The following DSN1 variants were observed in gnomAD, a reference collection of about 807,000 sequenced individuals.
The protein encoded by DSN1 is kinetochore-associated protein DSN1 homolog.
In DSN1, 31 loss-of-function variants were observed where a neutral mutation model predicts 45.7. The observed-to-expected ratio is 0.68, with a 90% CI of 0.51 to 0.92. DSN1 has a LOEUF of 0.92. DSN1 is among the 40% of genes least tolerant of loss of function. DSN1 has a pLI of 0.00. For missense variants in DSN1, 394 were observed against 414.2 expected (o/e 0.95, Z 0.42); for synonymous variants, 134 against 142.3 (o/e 0.94, Z 0.41).
At position 36,771,078 on chromosome 20, in the gene DSN1, C is replaced by T. The variant is rs1401962195; in HGVS notation, c.150G>A (p.Glu50=). The T allele has an allele frequency of 6.2e-7, 1 of 1,614,168 alleles. No homozygotes were observed. The highest frequency in any genetic ancestry group is 1.7e-5 in the Admixed American group (1 of 60,022). Residue 50 remains glutamate, a synonymous_variant, in exon 3 of 11, where the codon GAG becomes GAA. Coordinates refer to ENST00000373750, the MANE Select transcript of DSN1 (RefSeq NM_001145315.2). ...ASLEMNQGVS[E]ERIHLGSSPK... ...GGCTAGAGCCAAGGTGAATTCTTTC[C>T]TCTGAAACGCCTTGATTCATCTCCA...
chr20:36,756,260 G>A (rs551306339), intron 8 of DSN1, among the ~76,000 whole-genome samples: 29 of 152,222 alleles, frequency 1.9e-4, no homozygotes, highest in African/African-American at 6.3e-4. Context: ...AATTACAGGC[G>A]TGAGCCACCG....
At chr20:36,767,805 G>A (rs1987428378) in intron 4 of DSN1, among the ~76,000 whole-genome samples, 164 bp downstream of exon 4, 2 of 152,228 alleles carry the variant, frequency 1.3e-5, no homozygotes, top group Non-Finnish European at 2.9e-5. Context: ...GGGAGGCTGA[G>A]GCAGGAGAAT....
chr20:36,769,373 G>A (rs115343417), intron 3 of DSN1, among the ~76,000 whole-genome samples: 24 of 152,308 alleles, frequency 1.6e-4, no homozygotes, highest in African/African-American at 5.5e-4. Context: ...CTGACAGGTT[G>A]CCAGAAATAA....
Position 36,758,607 on chromosome 20 carries a change from C to A in DSN1, c.601G>T (p.Asp201Tyr). 6.2e-7 allele frequency: 1 copy of A among 1,611,324 alleles called. No homozygotes were observed. Among genetic ancestry groups the A allele is most frequent in the South Asian group, 1.1e-5 (1 of 90,748 alleles). Residue 201 changes from aspartate to tyrosine, a missense_variant, in exon 7 of 11, where the codon GAT (aspartate) becomes TAT (tyrosine). Coordinates refer to ENST00000373750, the MANE Select transcript of DSN1 (RefSeq NM_001145315.2). ...GCCACAGATGCTTCCAAAGAAAAAT[C>A]TGATGCTTTTCTGGAAAACAGATAG... The part of the protein sequence containing the change: ...CFEDSNGKAS[D>Y]FSLEASVAEM...
intron 1 of DSN1, among the ~76,000 whole-genome samples, chr20:36,773,145 AG>A (rs1376023532): frequency 6.6e-6 from 1 of 152,250 alleles, no homozygotes; most frequent in African/African-American, 2.4e-5. Context: ...ACACAGATCC[AG>A]GCTTAGAAAA....
intron 1 of DSN1, 154 bp downstream of exon 1, chr20:36,773,508 G>A: frequency 1.0e-6 from 1 of 985,732 alleles, no homozygotes; most frequent in Non-Finnish European, 1.2e-6. Flanking sequence ...CGCCCTCGGG[G>A]ACCCCCAGTG....
At chr20:36,768,335 G>A (rs1226808313) in intron 3 of DSN1, among the ~76,000 whole-genome samples, 2 of 152,146 alleles carry the variant, frequency 1.3e-5, no homozygotes, top group African/African-American at 2.4e-5. Context: ...TTGAGACCAC[G>A]AGCTGGAGAC....
intron 1 of DSN1, among the ~76,000 whole-genome samples, chr20:36,772,354 T>G (rs1987696711): frequency 6.6e-6 from 1 of 151,830 alleles, no homozygotes; most frequent in Non-Finnish European, 1.5e-5. Flanking sequence ...AGTGGCGCAG[T>G]CTCGGCTCAC....
chr20:36,755,963 G>A, intron 8 of DSN1, 134 bp from the exon 9 acceptor site: 4 of 1,080,698 alleles, frequency 3.7e-6, no homozygotes, highest in Non-Finnish European at 5.2e-6. Flanking sequence ...TTAACAGAAA[G>A]GTTTTTTTTT....
chr20:36,753,648 A>G (rs1986499744), intron 10 of DSN1, among the ~76,000 whole-genome samples: 2 of 150,770 alleles, frequency 1.3e-5, no homozygotes, highest in South Asian at 2.1e-4. Context: ...AAAAAAAAAA[A>G]AAAAAGAAAA....
At chr20:36,766,871 C>T in intron 4 of DSN1, 30 bp from the exon 5 acceptor site, 1 of 1,529,118 alleles carries the variant, frequency 6.5e-7, no homozygotes, top group Non-Finnish European at 8.9e-7. Flanking sequence ...TTTAGTACAA[C>T]CACCAAAAAC....
chr20:36,768,490 C>G (rs967397069), intron 3 of DSN1, among the ~76,000 whole-genome samples: 2 of 152,176 alleles, frequency 1.3e-5, no homozygotes, highest in African/African-American at 4.8e-5. Flanking sequence ...CTGCAGTGAG[C>G]CAAGAGGTTG....
intron 6 of DSN1, among the ~76,000 whole-genome samples, chr20:36,761,213 A>G (rs1221796261): frequency 6.6e-6 from 1 of 152,164 alleles, no homozygotes; most frequent in African/African-American, 2.4e-5. Flanking sequence ...CTCACCATTC[A>G]TATCTTACAG....
At chr20:36,765,787 G>C (rs1207070416) in intron 5 of DSN1, among the ~76,000 whole-genome samples, 1 of 135,348 alleles carries the variant, frequency 7.4e-6, no homozygotes, top group Non-Finnish European at 1.5e-5. Flanking sequence ...GACAGAGCGA[G>C]AGTCTGTCTC....
rs866632496 is a variant in DSN1 at position 36,773,511 on chromosome 20, C to G, written c.-16+151G>C. The G allele has an allele frequency of 6.8e-5, 67 of 985,830 alleles. No individual in the cohort carries two copies. The African/African-American group carries it at 1.1e-3, about 16-fold the overall frequency. 61.1% of individuals were successfully genotyped at this position (985,830 alleles called of 1,614,324 possible). On this transcript the variant is annotated intron_variant, in intron 1 of 10. Coordinates refer to ENST00000373750, the MANE Select transcript of DSN1 (RefSeq NM_001145315.2). ...AGGAGGTCGCAGCGCCCTCGGGGAC[C>G]CCCAGTGTCCACGGTCGGGGCCGGG...
At chr20:36,764,719 G>C (rs1263439108) in intron 5 of DSN1, among the ~76,000 whole-genome samples, 2 of 152,038 alleles carry the variant, frequency 1.3e-5, no homozygotes, top group Non-Finnish European at 2.9e-5. Flanking sequence ...TCAAGAGTTT[G>C]AGACCAGCCT....
rs1380245774 is a variant in DSN1 at position 36,755,810 on chromosome 20, T to C, written c.745A>G (p.Ile249Val). The C allele has an allele frequency of 1.2e-6, 2 of 1,612,290 alleles. No homozygotes were observed. Among genetic ancestry groups the C allele is most frequent in the Non-Finnish European group, 1.7e-6 (2 of 1,179,520 alleles). ...ATAGGTTCCACTTTGACCTCAGTAA[T>C]TTTGGCCTCAGTTGATCCTCTAAAA... The part of the protein sequence containing the change: ...ILSRGSTEAK[I>V]TEVKVEPMTY... The change falls in exon 9 of 11, where the codon ATT becomes GTT. Residue 249 changes from isoleucine (I) to valine (V), a missense_variant. By Grantham distance (29) the Ile-to-Val change is conservative. Coordinates refer to ENST00000373750, the MANE Select transcript of DSN1 (RefSeq NM_001145315.2).
intron 3 of DSN1, among the ~76,000 whole-genome samples, chr20:36,769,938 C>G (rs1005455104): frequency 2.4e-5 from 3 of 123,698 alleles, no homozygotes; most frequent in Admixed American, 2.0e-4. Context: ...CACACACACA[C>G]ACAGAGAGAG....
chr20:36,755,485 T>C (rs565506578), intron 9 of DSN1, among the ~76,000 whole-genome samples, 197 bp downstream of exon 9: 3 of 152,250 alleles, frequency 2.0e-5, no homozygotes, highest in Admixed American at 2.0e-4. Flanking sequence ...CTGTCTCTCT[T>C]ACCCTGCTTC....
Sources: allele counts gnomAD v4.1 joint callset (sites outside exome capture counted in the v4.1 genomes callset), GRCh38; gene constraint gnomAD v4.1.1; transcripts MANE v1.5; gene names NCBI Gene and HGNC (gene_info 2026-07-23, HGNC 2026-07-21).